Variants in CCDC125 observed in about 807,000 individuals in gnomAD.
The protein encoded by CCDC125 is coiled-coil domain containing 125.
In CCDC125, 43 loss-of-function variants were observed where a neutral mutation model predicts 57.4. The ratio of observed to expected loss-of-function variants is 0.75; its 90% CI spans 0.59 to 0.97. The LOEUF is 0.97. CCDC125 is among the 50% of genes least tolerant of loss of function. The pLI, the probability that CCDC125 is intolerant of heterozygous loss-of-function variation, is 0.00. For synonymous variants in CCDC125, 187 were observed against 195.2 expected (o/e 0.96, Z 0.35); for missense variants, 563 against 595.7 (o/e 0.95, Z 0.57).
intron 1 of CCDC125, among the ~76,000 whole-genome samples, chr5:69,331,375 G>A (rs1761399915): frequency 6.6e-6 from 1 of 151,652 alleles, no homozygotes; most frequent in African/African-American, 2.4e-5. Context: ...GGAGATTACA[G>A]GCGCCCACCA....
chr5:69,278,703 CT>C (rs34258569), downstream of CCDC125, among the ~76,000 whole-genome samples: 1,129 of 108,072 alleles, frequency 0.01, 54 homozygotes, highest in East Asian at 0.19. Context: ...TCTCTCTCTC[CT>C]TTTTTTTTTT....
chr5:69,329,356 T>G (rs2150686932), intron 1 of CCDC125, among the ~76,000 whole-genome samples: 1 of 151,292 alleles, frequency 6.6e-6, no homozygotes, highest in African/African-American at 2.4e-5. Context: ...AGAAGCTAAT[T>G]TTTGTATTTT....
chr5:69,318,386 G>C (rs1759469825), intron 2 of CCDC125, among the ~76,000 whole-genome samples: 1 of 151,996 alleles, frequency 6.6e-6, no homozygotes, highest in Admixed American at 6.6e-5. Flanking sequence ...CTTTGAGGTT[G>C]CAGTGAGCTG....
chr5:69,281,588 C>T lies in CCDC125; in HGVS notation c.*1141G>A, dbSNP rs1486282777. On this transcript the variant is annotated 3_prime_UTR_variant, in exon 12 of 12. Coordinates refer to ENST00000396496, the MANE Select transcript of CCDC125 (RefSeq NM_176816.5). ...CAGCCGGCACTGACTCAATATACTT[C>T]TGCCAAGGTCCCACCATCAAAACTG... is the stretch of plus-strand genomic sequence containing the variant. 6.6e-6 allele frequency: 1 copy of T among 152,182 alleles called. No homozygotes were observed. Among genetic ancestry groups the T allele is most frequent in the Non-Finnish European group, 1.5e-5 (1 of 68,044 alleles). 9.4% of individuals were successfully genotyped at this position (152,182 alleles called of 1,614,324 possible). A position where few individuals can be genotyped will look rare whatever the true frequency, so the allele number is the denominator to read the frequency against.
chr5:69,291,679 G>A (rs11745578), intron 10 of CCDC125, among the ~76,000 whole-genome samples: 75,839 of 151,942 alleles, frequency 0.5, 19,531 homozygotes, highest in Middle Eastern at 0.56. Flanking sequence ...TGATGGGTTC[G>A]TGAACCAAAA....
At chr5:69,321,710 G>A (rs1002316834) in intron 1 of CCDC125, among the ~76,000 whole-genome samples, 2 of 152,186 alleles carry the variant, frequency 1.3e-5, no homozygotes, top group African/African-American at 4.8e-5. Context: ...GTGCATAACT[G>A]TATAATAAAG....
intron 1 of CCDC125, among the ~76,000 whole-genome samples, chr5:69,322,342 G>T (rs182026367): frequency 4.6e-5 from 7 of 152,232 alleles, no homozygotes; most frequent in Non-Finnish European, 1.0e-4. Flanking sequence ...AATAAAGGAA[G>T]AGAGGAATAA....
intron 5 of CCDC125, 67 bp from the exon 6 acceptor site, chr5:69,306,969 T>C: frequency 7.4e-7 from 1 of 1,346,702 alleles, no homozygotes; most frequent in Non-Finnish European, 9.6e-7. Flanking sequence ...ACATTGTGAA[T>C]AGCTGAAATA....
chr5:69,332,418 T>C (rs1007190467), intron 1 of CCDC125, among the ~76,000 whole-genome samples: 2 of 152,206 alleles, frequency 1.3e-5, no homozygotes, highest in African/African-American at 2.4e-5. Context: ...ACTGGCGCTA[T>C]AGTTTTATAA....
intron 7 of CCDC125, among the ~76,000 whole-genome samples, chr5:69,300,816 C>T (rs904755339): frequency 8.9e-5 from 11 of 123,850 alleles, no homozygotes; most frequent in Middle Eastern, 4.2e-3. Flanking sequence ...TAAAGTGCCG[C>T]TCTCAGCCCC....
At chr5:69,295,993 C>A (rs898281827) in intron 8 of CCDC125, among the ~76,000 whole-genome samples, 2 of 151,322 alleles carry the variant, frequency 1.3e-5, no homozygotes, top group African/African-American at 4.9e-5. Flanking sequence ...ACGCCATTGT[C>A]CTGCCTCAGC....
At chr5:69,284,045 T>A (rs1248300078) in intron 11 of CCDC125, among the ~76,000 whole-genome samples, 1 of 151,902 alleles carries the variant, frequency 6.6e-6, no homozygotes, top group East Asian at 1.9e-4. Context: ...CGCCTCGGCT[T>A]CCCAAAGTGC....
At chr5:69,295,157 A>C (rs1460909856) in intron 8 of CCDC125, among the ~76,000 whole-genome samples, 2 of 151,878 alleles carry the variant, frequency 1.3e-5, no homozygotes, top group Admixed American at 1.3e-4. Context: ...CCTTCATCTC[A>C]CTCTTAAAAC....
chr5:69,322,865 A>T (rs988416888), intron 1 of CCDC125, among the ~76,000 whole-genome samples: 13 of 151,084 alleles, frequency 8.6e-5, no homozygotes, highest in East Asian at 2.0e-4. Context: ...TGGCCCAAAA[A>T]TTTTTTTTTA....
At chr5:69,328,406 T>C (rs554002852) in intron 1 of CCDC125, among the ~76,000 whole-genome samples, 57 of 152,130 alleles carry the variant, frequency 3.7e-4, no homozygotes, top group African/African-American at 1.3e-3. Flanking sequence ...TAAATAAGTA[T>C]TAGAGTTATA....
intron 1 of CCDC125, among the ~76,000 whole-genome samples, chr5:69,328,989 T>C (rs1378445619): frequency 1.3e-5 from 2 of 151,150 alleles, no homozygotes; most frequent in Admixed American, 1.3e-4. Flanking sequence ...GAGATGGAGT[T>C]TCACCGTGTT....
chr5:69,326,190 ACT>A (rs1370854726), intron 1 of CCDC125, among the ~76,000 whole-genome samples: 2 of 152,144 alleles, frequency 1.3e-5, no homozygotes. Flanking sequence ...ACTCTTAGCC[ACT>A]GTTTTGTATT....
At chr5:69,277,229 G>C, downstream of CCDC125, 1 of 840,466 alleles carries the variant, frequency 1.2e-6, no homozygotes, top group Admixed American at 2.6e-5. Flanking sequence ...CTGTAGAAGT[G>C]AGTTTGTAAA....
At chr5:69,323,025 G>A (rs1250183319) in intron 1 of CCDC125, among the ~76,000 whole-genome samples, 3 of 151,624 alleles carry the variant, frequency 2.0e-5, no homozygotes, top group South Asian at 2.1e-4. Context: ...TTTTTTGTTC[G>A]GCCTGGCGCG....
Sources: gnomAD v4.1 joint callset for allele counts (sites outside exome capture counted in the v4.1 genomes callset) on GRCh38, gnomAD v4.1.1 for gene constraint, MANE v1.5 for transcripts, NCBI Gene and HGNC (gene_info 2026-07-23, HGNC 2026-07-21) for gene names.